Variants in SLC48A1 observed in about 807,000 individuals in gnomAD.
SLC48A1 encodes the protein solute carrier family 48 member 1.
In SLC48A1, 6 loss-of-function variants were observed where a neutral mutation model predicts 14.8. That is an observed-to-expected ratio of 0.41 (90% CI 0.22 to 0.80). The LOEUF (loss-of-function observed/expected upper bound fraction) is 0.80. SLC48A1 is among the 30% of genes least tolerant of loss of function. SLC48A1 has a pLI of 0.34. For missense variants in SLC48A1, 165 were observed against 204.8 expected (o/e 0.81, Z 1.19); for synonymous variants, 89 against 90.0 (o/e 0.99, Z 0.06).
upstream of SLC48A1, among the ~76,000 whole-genome samples, chr12:47,771,235 C>T (rs1445967559): frequency 6.6e-6 from 1 of 152,256 alleles, no homozygotes; most frequent in Non-Finnish European, 1.5e-5. Context: ...CACACCCTGT[C>T]TAGATTCCTT....
At chr12:47,758,476 C>T, upstream of SLC48A1, 1 of 1,591,394 alleles carries the variant, frequency 6.3e-7, no homozygotes, top group Non-Finnish European at 8.6e-7. Flanking sequence ...CCTCTCCCAC[C>T]CAAACTCCCC....
chr12:47,760,151 C>T, intron 1 of SLC48A1: 1 of 958,364 alleles, frequency 1.0e-6, no homozygotes, highest in Non-Finnish European at 1.2e-6. Context: ...GCTCCGTCCC[C>T]AGCAATTCAT....
At chr12:47,764,531 G>A (rs1942468415) in intron 2 of SLC48A1, among the ~76,000 whole-genome samples, 1 of 152,214 alleles carries the variant, frequency 6.6e-6, no homozygotes, top group Non-Finnish European at 1.5e-5. Flanking sequence ...CCTGTTCCCT[G>A]CTTAGGAGAT....
chr12:47,780,104 A>G lies in SLC48A1; in HGVS notation c.305-41A>G, dbSNP rs977793171. On this transcript the variant is annotated intron_variant, in intron 2 of 2. Coordinates refer to ENST00000442218, the MANE Select transcript of SLC48A1 (RefSeq NM_017842.3). ...TGTGGCCGGTGCAGAGGCCGAGGGC[A>G]GGGCCTGCCAAAGTCACTGTCGGTA... 38 of 1,502,572 alleles carry G rather than the reference A, an allele frequency of 2.5e-5. No homozygotes were observed. The Admixed American group carries it at 4.4e-4, about 18-fold the overall frequency. 93.1% of individuals were successfully genotyped at this position (1,502,572 alleles called of 1,614,324 possible).
rs575728678 is a variant in SLC48A1 at position 47,781,229 on chromosome 12, C to T, written c.*948C>T. The stretch of plus-strand genomic sequence containing the variant: ...CCAAATGAGGCCAGACTCAGGGTCA[C>T]GGGGAATGTGCTTCTGCCCCTGTAA... On this transcript the variant is annotated 3_prime_UTR_variant, in exon 3 of 3. Transcript: ENST00000442218. 47 of 217,390 alleles carry T rather than the reference C, an allele frequency of 2.2e-4. 1 individual carries two copies. Among genetic ancestry groups the T allele is most frequent in the Middle Eastern group, 3.8e-3 (2 of 520 alleles). The allele number at this position is 217,390 out of a possible 1,614,324, so 13.5% of individuals were successfully genotyped here.
chr12:47,757,019 C>T (rs536864882), upstream of SLC48A1, among the ~76,000 whole-genome samples: 21 of 151,964 alleles, frequency 1.4e-4, no homozygotes, highest in East Asian at 9.7e-4. Context: ...CCCGGCCAAG[C>T]GCAGTGGGTC....
At chr12:47,761,379 C>T (rs552252964) in intron 2 of SLC48A1, among the ~76,000 whole-genome samples, 2 of 152,214 alleles carry the variant, frequency 1.3e-5, no homozygotes, top group Non-Finnish European at 2.9e-5. Context: ...TTCATTCCCC[C>T]TCTCTGGGGA....
chr12:47,771,412 G>A (rs1207355663), upstream of SLC48A1, among the ~76,000 whole-genome samples: 1 of 151,674 alleles, frequency 6.6e-6, no homozygotes, highest in South Asian at 2.1e-4. Flanking sequence ...TCCAGAGGGG[G>A]TGTGGTGGGT....
At chr12:47,758,674 C>T (rs1264532605) in intron 1 of SLC48A1, 19 of 1,545,818 alleles carry the variant, frequency 1.2e-5, no homozygotes, top group Non-Finnish European at 1.7e-5. Context: ...AGTCCAGGTA[C>T]AGTGAACTGG....
upstream of SLC48A1, among the ~76,000 whole-genome samples, chr12:47,770,401 C>T (rs773585925): frequency 1.3e-5 from 2 of 152,230 alleles, no homozygotes; most frequent in African/African-American, 2.4e-5. Flanking sequence ...GAAGCAGTTT[C>T]GTCTCTTCCA....
chr12:47,780,478 A>T lies in SLC48A1; in HGVS notation c.*197A>T, dbSNP rs1165735801. ...GAAACCTGAGTGTGGTAGAGAGGGG[A>T]TCCTGCCATGTTGCTCCTCATCAGC... On this transcript the variant is annotated 3_prime_UTR_variant, in exon 3 of 3. Coordinates refer to ENST00000442218, the MANE Select transcript of SLC48A1 (RefSeq NM_017842.3). The T allele has an allele frequency of 2.4e-6, 2 of 845,226 alleles. No homozygotes were observed. The highest frequency in any genetic ancestry group is 3.3e-5 in the African/African-American group (2 of 60,038). The allele number at this position is 845,226 out of a possible 1,614,324, so 52.4% of individuals were successfully genotyped here. A position where few individuals can be genotyped will look rare whatever the true frequency, so the allele number is the denominator to read the frequency against.
intron 1 of SLC48A1, chr12:47,759,173 C>T: frequency 1.1e-6 from 1 of 896,546 alleles, no homozygotes; most frequent in Non-Finnish European, 1.3e-6. Flanking sequence ...CTGGCCGCCA[C>T]GTGGCCGGGA....
At position 47,774,551 on chromosome 12, in the gene SLC48A1, C is replaced by T. The variant is rs146076676; in HGVS notation, c.136+1111C>T. 2.2e-3 allele frequency among the ~76,000 whole-genome samples: 328 copies of T among 152,334 alleles called. 2 individuals are homozygous for T. Among genetic ancestry groups the T allele is most frequent in the African/African-American group, 7.4e-3 (307 of 41,560 alleles). On this transcript the variant is annotated intron_variant, in intron 1 of 2. Transcript: ENST00000442218. ...GATGATTATATTCCATTACTAAAATCCTCGGCCAAAAGAACCCTAAATGGA... is the reference window on the plus strand; with the variant it reads ...GATGATTATATTCCATTACTAAAATTCTCGGCCAAAAGAACCCTAAATGGA...
At chr12:47,767,071 G>A (rs972238545), upstream of SLC48A1, among the ~76,000 whole-genome samples, 4 of 152,106 alleles carry the variant, frequency 2.6e-5, no homozygotes, top group African/African-American at 9.7e-5. Context: ...GGAAGGCGAA[G>A]CTGCAGGAGG....
chr12:47,778,700 T>C (rs1942801604), intron 1 of SLC48A1: 3 of 267,606 alleles, frequency 1.1e-5, no homozygotes, highest in South Asian at 7.5e-5. Context: ...AGAACATTTT[T>C]TAGCATTTTA....
chr12:47,753,945 A>G (rs1941906048), upstream of SLC48A1: 1 of 152,250 alleles, frequency 6.6e-6, no homozygotes, highest in Admixed American at 6.5e-5. Context: ...GTCCATGAGC[A>G]CTGAGGAAGG....
chr12:47,768,240 GTGCTGGGA>G (rs1477846578), upstream of SLC48A1, among the ~76,000 whole-genome samples: 1 of 152,170 alleles, frequency 6.6e-6, no homozygotes, highest in African/African-American at 2.4e-5. Context: ...GCCTCCCAAA[GTGCTGGGA>G]TTACAGCCGT....
intron 1 of SLC48A1, among the ~76,000 whole-genome samples, chr12:47,774,085 C>T (rs547694695): frequency 2.2e-4 from 34 of 152,330 alleles, no homozygotes; most frequent in Admixed American, 3.9e-4. Context: ...TACCCGTCTG[C>T]TGTGGCTCCT....
intron 1 of SLC48A1, 24 bp downstream of exon 1, chr12:47,773,464 CG>C: frequency 7.6e-7 from 1 of 1,316,436 alleles, no homozygotes. Context: ...CTGGGCGGCG[CG>C]GGGCGGGTGC....
Sources: allele counts gnomAD v4.1 joint callset (sites outside exome capture counted in the v4.1 genomes callset), GRCh38; gene constraint gnomAD v4.1.1; transcripts MANE v1.5; gene names NCBI Gene and HGNC (gene_info 2026-07-23, HGNC 2026-07-21).